Variants in BANK1 observed in about 807,000 individuals in gnomAD.
BANK1 encodes B-cell scaffold protein with ankyrin repeats.
BANK1 carries 95 observed loss-of-function variants against 94.5 expected under a neutral mutation model. The observed-to-expected ratio is 1.00, with a 90% CI of 0.85 to 1.19. The LOEUF is 1.19. Ranked by LOEUF, BANK1 falls within the 50% of genes most tolerant of loss-of-function variation. The pLI, the probability that BANK1 is intolerant of heterozygous loss-of-function variation, is 0.00. For missense variants in BANK1, 987 were observed against 932.2 expected, an observed-to-expected ratio of 1.06 and a Z score of -0.77; for synonymous variants, 334 against 308.4, an observed-to-expected ratio of 1.08 and a Z score of -0.87.
intron 4 of BANK1, among the ~76,000 whole-genome samples, chr4:101,870,181 T>C (rs1728232370): frequency 6.6e-6 from 1 of 152,062 alleles, no homozygotes; most frequent in Non-Finnish European, 1.5e-5. Context: ...TTCCAAATTC[T>C]AAAGAATTAT....
chr4:102,004,291 TCAC>T (rs1263695302), intron 7 of BANK1, among the ~76,000 whole-genome samples: 2 of 152,160 alleles, frequency 1.3e-5, no homozygotes, highest in African/African-American at 4.8e-5. Flanking sequence ...GACTATAAAT[TCAC>T]CAGCATAAAT....
At chr4:101,983,221 T>A (rs1214181023) in intron 7 of BANK1, among the ~76,000 whole-genome samples, 1 of 152,036 alleles carries the variant, frequency 6.6e-6, no homozygotes, top group Non-Finnish European at 1.5e-5. Flanking sequence ...AATTTTAAAA[T>A]ACACATTTAT....
At chr4:102,042,467 A>G (rs1727732480) in intron 10 of BANK1, among the ~76,000 whole-genome samples, 1 of 152,054 alleles carries the variant, frequency 6.6e-6, no homozygotes, top group South Asian at 2.1e-4. Flanking sequence ...TGTTTAAAAG[A>G]GCACAGTTGA....
At chr4:102,057,232 C>T (rs1257046807) in intron 11 of BANK1, among the ~76,000 whole-genome samples, 1 of 151,958 alleles carries the variant, frequency 6.6e-6, no homozygotes, top group Non-Finnish European at 1.5e-5. Flanking sequence ...CTCTCTCTCT[C>T]TCTCTCTTGC....
intron 7 of BANK1, among the ~76,000 whole-genome samples, chr4:101,947,447 C>CAA (rs1723974572): frequency 6.6e-6 from 1 of 150,852 alleles, no homozygotes; most frequent in African/African-American, 2.4e-5. Context: ...CCCAAGATAA[C>CAA]TTAACTGAAG....
intron 6 of BANK1, among the ~76,000 whole-genome samples, chr4:101,903,826 T>C (rs1246610120): frequency 1.3e-5 from 2 of 152,212 alleles, no homozygotes; most frequent in African/African-American, 2.4e-5. Flanking sequence ...TGTCATTTAC[T>C]AAGGTCCCCA....
chr4:101,871,581 T>C (rs1304523160), intron 5 of BANK1, among the ~76,000 whole-genome samples: 1 of 152,108 alleles, frequency 6.6e-6, no homozygotes, highest in Non-Finnish European at 1.5e-5. Context: ...ACAGAAAAGG[T>C]AAACATTAAG....
chr4:101,919,039 A>G (rs1394437680), intron 7 of BANK1, among the ~76,000 whole-genome samples: 2 of 151,950 alleles, frequency 1.3e-5, no homozygotes, highest in Admixed American at 1.3e-4. Flanking sequence ...AGTGATTGTC[A>G]TATATGCTAG....
chr4:101,940,945 G>T (rs969446992), intron 7 of BANK1, among the ~76,000 whole-genome samples: 14 of 151,626 alleles, frequency 9.2e-5, no homozygotes, highest in African/African-American at 2.4e-4. Flanking sequence ...AGGGAGTGGG[G>T]GTTTATGCTC....
intron 7 of BANK1, among the ~76,000 whole-genome samples, chr4:102,014,278 T>C (rs1473849222): frequency 6.6e-6 from 1 of 152,152 alleles, no homozygotes; most frequent in Non-Finnish European, 1.5e-5. Context: ...AAAATCCACC[T>C]GCTTCTTTGA....
chr4:101,830,322 T>A, intron 2 of BANK1, 116 bp downstream of exon 2: 1 of 822,072 alleles, frequency 1.2e-6, no homozygotes, highest in Non-Finnish European at 1.8e-6. Context: ...ATAAGAAAAA[T>A]GAGAGCTGAT....
At chr4:101,867,346 A>AT (rs1236337362) in intron 4 of BANK1, among the ~76,000 whole-genome samples, 3 of 151,966 alleles carry the variant, frequency 2.0e-5, no homozygotes, top group Non-Finnish European at 2.9e-5. Flanking sequence ...AGAAATAAGG[A>AT]TTTTTTCAAA....
intron 11 of BANK1, among the ~76,000 whole-genome samples, chr4:102,055,999 GTTAC>G (rs1728216047): frequency 6.6e-6 from 1 of 152,058 alleles, no homozygotes; most frequent in Non-Finnish European, 1.5e-5. Flanking sequence ...ATTAAAGTCT[GTTAC>G]TTACTCAATG....
chr4:101,818,585 C>T (rs752588861), intron 1 of BANK1, among the ~76,000 whole-genome samples: 3 of 151,892 alleles, frequency 2.0e-5, no homozygotes, highest in Admixed American at 1.3e-4. Context: ...TTTAGTTATC[C>T]GTGGTCAGCC....
At position 101,958,137 on chromosome 4, in the gene BANK1, C is replaced by T. The variant is rs1299785393; in HGVS notation, c.1206+39948C>T. Among the ~76,000 whole-genome samples, 9 of 152,038 alleles carry T rather than the reference C, an allele frequency of 5.9e-5. No homozygotes were observed. In the South Asian group the frequency reaches 1.9e-3, roughly 32 times the overall value. On this transcript the variant is annotated intron_variant, in intron 7 of 16. Coordinates refer to ENST00000322953, the MANE Select transcript of BANK1 (RefSeq NM_017935.5). ...CTGGGATTACAGGTGTGAGCCACCG[C>T]TCCTGGCCTAGGTTTGTTATTTAGG...
chr4:102,052,368 G>A (rs1728082078), intron 11 of BANK1, among the ~76,000 whole-genome samples: 1 of 151,810 alleles, frequency 6.6e-6, no homozygotes, highest in African/African-American at 2.4e-5. Context: ...CACCCACCTC[G>A]GCCTCCCAAA....
intron 1 of BANK1, among the ~76,000 whole-genome samples, chr4:101,805,064 G>A (rs1001351864): frequency 6.6e-6 from 1 of 152,124 alleles, no homozygotes; most frequent in African/African-American, 2.4e-5. Flanking sequence ...AACTATGTAA[G>A]TGACATCTCA....
chr4:101,903,983 A>G (rs1390312105), intron 6 of BANK1, among the ~76,000 whole-genome samples: 2 of 152,220 alleles, frequency 1.3e-5, no homozygotes, highest in East Asian at 3.8e-4. Context: ...ATAGTGAATA[A>G]TGTAACACTG....
In BANK1 at chr4:102,021,609, T is replaced by TAC. The variant is rs1726903363; in HGVS notation, c.1285+18_1285+19insCA. ...ATATTCCTTGTAAGTTTTTCCATGT[T>TAC]ATATATATATATGACATATTCATAT... On this transcript the variant is annotated intron_variant, in intron 8 of 16. Transcript: ENST00000322953. 2.2e-6 allele frequency: 2 copies of TAC among 908,320 alleles called. No homozygotes were observed. The highest frequency in any genetic ancestry group is 3.1e-6 in the Non-Finnish European group (2 of 644,980). The allele number at this position is 908,320 out of a possible 1,614,324, so 56.3% of individuals were successfully genotyped here.
Sources: allele counts gnomAD v4.1 joint callset (sites outside exome capture counted in the v4.1 genomes callset), GRCh38; gene constraint gnomAD v4.1.1; transcripts MANE v1.5; gene names NCBI Gene and HGNC (gene_info 2026-07-23, HGNC 2026-07-21).